The following FUS variants were observed in gnomAD, a reference collection of about 807,000 sequenced individuals.
The protein encoded by FUS is FUS RNA binding protein.
A neutral mutation model predicts 82.7 loss-of-function variants in FUS; 5 were observed. That is an observed-to-expected ratio of 0.06 (90% CI 0.03 to 0.13). FUS has a LOEUF of 0.13. Among genes scored for constraint, FUS ranks in the 10% least tolerant of loss-of-function variants. The pLI, the probability that FUS is intolerant of heterozygous loss-of-function variation, is 1.00. For synonymous variants in FUS, 281 were observed against 247.4 expected, an observed-to-expected ratio of 1.14 and a Z score of -1.27; for missense variants, 512 against 707.8, an observed-to-expected ratio of 0.72 and a Z score of 3.14.
At position 31,191,065 on chromosome 16, in the gene FUS, G is replaced by A; in HGVS notation, c.1496G>A (p.Gly499Asp). Reference sequence around the variant, plus strand: ...CGTGGAGGCTTCCGAGGGGGCCGGGGTGGTGGGGACAGAGGTGGCTTTGGC... The same window carrying A: ...CGTGGAGGCTTCCGAGGGGGCCGGGATGGTGGGGACAGAGGTGGCTTTGGC... ...GDRGGFRGGR[G>D]GGDRGGFGPG... Residue 499 changes from glycine (G) to aspartate (D), a missense_variant, in exon 14 of 15, where the codon GGT becomes GAT. Physicochemically the swap from Gly to Asp is moderately conservative, Grantham distance 94. This residue lies in a region of FUS where 96 missense variants were observed against 120.7 expected (regional missense o/e 0.80). Transcript: ENST00000254108. 1 of 1,613,336 alleles carries A rather than the reference G, an allele frequency of 6.2e-7. No homozygotes were observed. Among genetic ancestry groups the A allele is most frequent in the Non-Finnish European group, 8.5e-7 (1 of 1,180,022 alleles).
chr16:31,191,860 C>T, downstream of FUS: 2 of 548,282 alleles, frequency 3.6e-6, no homozygotes, highest in South Asian at 1.5e-5. Flanking sequence ...GGAATTTTTC[C>T]TTTACCACAT....
In FUS at chr16:31,184,212, C is replaced by T. The variant is rs770345118; in HGVS notation, c.339C>T (p.Tyr113=). 8.6e-5 allele frequency: 138 copies of T among 1,613,984 alleles called. No homozygotes were observed. Among genetic ancestry groups the T allele is most frequent in the South Asian group, 3.3e-4 (30 of 91,088 alleles). Residue 113 remains tyrosine (Y), a synonymous_variant, in exon 5 of 15, where the codon TAC becomes TAT. Transcript: ENST00000254108. The part of the protein sequence containing the change: ...QPAPSSTSGS[Y]GSSSQSSSYG... ...GTTTTTTGTTTGTTTTCCCTAGTTA[C>T]GGTAGCAGTTCTCAGAGCAGCAGCT...
At position 31,188,002 on chromosome 16, in the gene FUS, A is replaced by G. The variant is rs1473341182; in HGVS notation, c.800-323A>G. On this transcript the variant is annotated intron_variant, in intron 7 of 14. Transcript: ENST00000254108. ...CGGGCCAAGCTGAGTTGGTTTGTTCACTTTAATGGGTCTCCGTTTCCCCTG... is the reference window on the plus strand; with the variant it reads ...CGGGCCAAGCTGAGTTGGTTTGTTCGCTTTAATGGGTCTCCGTTTCCCCTG... The G allele has an allele frequency of 3.3e-5, 14 of 425,736 alleles. No homozygotes were observed. The East Asian group carries it at 5.2e-4, about 16-fold the overall frequency. The allele number at this position is 425,736 out of a possible 1,614,324, so 26.4% of individuals were successfully genotyped here.
chr16:31,182,069 C>CA, intron 1 of FUS: 1 of 376,366 alleles, frequency 2.7e-6, no homozygotes, highest in Non-Finnish European at 5.1e-6. Context: ...TGGCTCACTG[C>CA]AACCTCTGCC....
rs780606789 is a variant in FUS at position 31,191,546 on chromosome 16, C to T, written c.*108C>T. The T allele has an allele frequency of 3.8e-5, 46 of 1,221,484 alleles. No individual in the cohort carries two copies. The highest frequency in any genetic ancestry group is 4.7e-4 in the Middle Eastern group (2 of 4,214). The allele number at this position is 1,221,484 out of a possible 1,614,324, so 75.7% of individuals were successfully genotyped here. A position where few individuals can be genotyped will look rare whatever the true frequency, so the allele number is the denominator to read the frequency against. On this transcript the variant is annotated 3_prime_UTR_variant, in exon 15 of 15. Coordinates refer to ENST00000254108, the MANE Select transcript of FUS (RefSeq NM_004960.4). ...TGATCACCCAAGGGTTTTTTTGTGT[C>T]GGACTATGTAATTGTAACTATACCT...
chr16:31,184,651 G>T (rs2079235402), intron 5 of FUS, among the ~76,000 whole-genome samples: 1 of 151,946 alleles, frequency 6.6e-6, no homozygotes, highest in Non-Finnish European at 1.5e-5. Flanking sequence ...CACCATGTTA[G>T]CCAGGATGGT....
chr16:31,193,715 G>GTC (rs1471301049), downstream of FUS: 2 of 532,188 alleles, frequency 3.8e-6, no homozygotes, highest in South Asian at 3.1e-5. Context: ...GCAGCAGAGA[G>GTC]AACATTGGTG....
intron 12 of FUS, 102 bp from the exon 13 acceptor site, chr16:31,190,640 C>T (rs1349579573): frequency 3.2e-6 from 4 of 1,268,036 alleles, no homozygotes; most frequent in Non-Finnish European, 3.5e-6. Context: ...TCTGAAGCTT[C>T]AGTTTCCTCA....
rs1175753428 is a variant in FUS at position 31,188,340 on chromosome 16, G to A, written c.815G>A (p.Gly272Glu). The part of the protein sequence containing the change: ...FNKFGGPRDQ[G>E]SRHDSEQDNS... ...GTCACTAAAGGCCCTCGGGACCAAG[G>A]ATCACGTCATGACTCCGGTGAGTTC... Residue 272 changes from glycine to glutamate, a missense_variant, in exon 8 of 15, where the codon GGA becomes GAA. Transcript: ENST00000254108. 1.2e-6 allele frequency: 2 copies of A among 1,613,596 alleles called. No individual in the cohort carries two copies. The highest frequency in any genetic ancestry group is 2.2e-5 in the East Asian group (1 of 44,870).
chr16:31,187,726 C>G (rs1386484893), intron 7 of FUS: 1 of 234,464 alleles, frequency 4.3e-6, no homozygotes, highest in African/African-American at 2.2e-5. Flanking sequence ...AAAATAGAGG[C>G]TGCATTACGG....
At chr16:31,186,067 GCAAAAATGAGGAAAA>G (rs1354520582) in intron 6 of FUS, 10 of 236,330 alleles carry the variant, frequency 4.2e-5, no homozygotes, top group East Asian at 6.0e-5. Flanking sequence ...TCAAAAACGT[GCAAAAATGAGGAAAA>G]CAAAAATGAG....
Position 31,191,011 on chromosome 16 carries a change from G to C in FUS, c.1442G>C (p.Arg481Pro), listed in dbSNP as rs111705357. Residue 481 changes from arginine to proline, a missense_variant, in exon 14 of 15, where the codon CGA becomes CCA. Arg to Pro is a moderately radical substitution (Grantham distance 103). Coordinates refer to ENST00000254108, the MANE Select transcript of FUS (RefSeq NM_004960.4). ...CGTGGTGGCAGAGGAGGCTATGATC[G>C]AGGCGGCTACCGGGGCCGCGGCGGG... ...DRRGGRGGYD[R>P]GGYRGRGGDR... 1.2e-6 allele frequency: 2 copies of C among 1,613,754 alleles called. No homozygotes were observed. Among genetic ancestry groups the C allele is most frequent in the African/African-American group, 1.3e-5 (1 of 74,892 alleles).
chr16:31,190,803 C>G lies in FUS; in HGVS notation c.1354C>G (p.Pro452Ala). ...ATGCAACCAGTGTAAGGCCCCTAAA[C>G]CAGATGGCCCAGGAGGGGGACCAGG... is the stretch of plus-strand genomic sequence containing the variant. ...NECNQCKAPK[P>A]DGPGGGPGGS... The change falls in exon 13 of 15, where the codon CCA becomes GCA. Residue 452 changes from proline (P) to alanine (A), a missense_variant. Pro to Ala is a conservative substitution (Grantham distance 27). Around this residue, in one of 6 missense-constraint regions of FUS, gnomAD observed 96 missense variants for 120.7 expected, o/e 0.80. Transcript: ENST00000254108. The G allele has an allele frequency of 6.2e-7, 1 of 1,614,200 alleles. No homozygotes were observed. Among genetic ancestry groups the G allele is most frequent in the Non-Finnish European group, 8.5e-7 (1 of 1,180,030 alleles).
Position 31,184,139 on chromosome 16 carries a change from C to T in FUS, c.336-70C>T, listed in dbSNP as rs562168249. 5.6e-6 allele frequency: 9 copies of T among 1,613,674 alleles called. No individual in the cohort carries two copies. In the South Asian group the frequency reaches 8.8e-5, roughly 16 times the overall value. Reference sequence around the variant, plus strand: ...CTGTGTTGGGTACAGAGAATGGACTCCACTAAAAGTGAAAGGAAATTGGGG... The same window carrying T: ...CTGTGTTGGGTACAGAGAATGGACTTCACTAAAAGTGAAAGGAAATTGGGG... On this transcript the variant is annotated intron_variant, in intron 4 of 14. Coordinates refer to ENST00000254108, the MANE Select transcript of FUS (RefSeq NM_004960.4).
chr16:31,185,446 A>G lies in FUS; in HGVS notation c.764+267A>G, dbSNP rs2079254260. ...AAAAAAAAAGAAACCATACATAGATACGTATGGATTGGAGTCATTAATATC... is the reference window on the plus strand; with the variant it reads ...AAAAAAAAAGAAACCATACATAGATGCGTATGGATTGGAGTCATTAATATC... On this transcript the variant is annotated intron_variant, in intron 6 of 14. Transcript: ENST00000254108. 4.5e-6 allele frequency: 3 copies of G among 663,606 alleles called. No homozygotes were observed. In the African/African-American group the frequency reaches 5.4e-5, roughly 12 times the overall value. The allele number at this position is 663,606 out of a possible 1,614,324, so 41.1% of individuals were successfully genotyped here.
intron 6 of FUS, 152 bp downstream of exon 6, chr16:31,185,331 A>C (rs748464364): frequency 6.9e-5 from 63 of 910,116 alleles, no homozygotes; most frequent in Non-Finnish European, 1.0e-4. Context: ...CTTTCTTTTT[A>C]CATCCCCATT....
At chr16:31,192,196 C>G (rs1448444438), downstream of FUS, 6 of 527,762 alleles carry the variant, frequency 1.1e-5, no homozygotes, top group Non-Finnish European at 2.2e-5. Context: ...CCTGCCTGTA[C>G]TCAGAGGGCT....
intron 7 of FUS, chr16:31,188,100 G>A (rs961192455): frequency 8.4e-6 from 5 of 594,834 alleles, no homozygotes; most frequent in African/African-American, 7.4e-5. Flanking sequence ...AGTTGTCTCT[G>A]TGGAGACTCA....
intron 6 of FUS, 46 bp downstream of exon 6, chr16:31,185,225 A>T (rs1372363446): frequency 3.2e-6 from 5 of 1,559,890 alleles, no homozygotes; most frequent in Non-Finnish European, 4.3e-6. Flanking sequence ...GGGAGTGTGG[A>T]GGATTGCATG....
Sources: gnomAD v4.1 joint callset for allele counts (sites outside exome capture counted in the v4.1 genomes callset) on GRCh38, gnomAD v4.1.1 for gene constraint, gnomAD v4.1.1 regional missense constraint, MANE v1.5 for transcripts, NCBI Gene and HGNC (gene_info 2026-07-23, HGNC 2026-07-21) for gene names.